The following CEP350 variants were observed in gnomAD, a reference collection of about 807,000 sequenced individuals.
CEP350 encodes the protein centrosomal protein 350, also known as centrosome-associated protein 350.
Under a neutral mutation model 331.8 loss-of-function variants are expected in CEP350, and 126 were observed. That is an observed-to-expected ratio of 0.38 (90% CI 0.33 to 0.44). The LOEUF is 0.44. Among genes scored for constraint, CEP350 ranks in the 20% least tolerant of loss-of-function variants. The pLI, the probability that CEP350 is intolerant of heterozygous loss-of-function variation, is 1.00. For missense variants in CEP350, 3,406 were observed against 3,634.6 expected (o/e 0.94, Z 1.62); for synonymous variants, 1,200 against 1,259.5 (o/e 0.95, Z 1.00).
rs574073480 is a variant in CEP350 at position 179,990,305 on chromosome 1, A to G, written c.121-202A>G. Among the ~76,000 whole-genome samples the G allele has an allele frequency of 2.0e-5, 3 of 152,336 alleles. No individual in the cohort carries two copies. In the South Asian group the frequency reaches 6.2e-4, roughly 32 times the overall value. ...GAATCTTACTGATTTTCTTGTCTAA[A>G]TTTGGGGAGCATTGTGCCAGATGTT... On this transcript the variant is annotated intron_variant, in intron 3 of 37. Transcript: ENST00000367607.
chr1:179,979,395 T>TTA lies in CEP350; in HGVS notation c.-13-6773_-13-6772insAT, dbSNP rs535923861. Among the ~76,000 whole-genome samples the TTA allele has an allele frequency of 3.8e-3, 573 of 151,118 alleles. 3 individuals are homozygous for TTA. The highest frequency in any genetic ancestry group is 6.7e-3 in the Non-Finnish European group (453 of 67,680). On this transcript the variant is annotated intron_variant, in intron 1 of 37. Coordinates refer to ENST00000367607, the MANE Select transcript of CEP350 (RefSeq NM_014810.5). ...TTAATTAGATTATTTGGGGTGTTTT[T>TTA]TTTTTTTTTTGCTCTTAAGTTGTTT...
chr1:179,962,139 G>A (rs1363733986), intron 1 of CEP350, among the ~76,000 whole-genome samples: 1 of 151,866 alleles, frequency 6.6e-6, no homozygotes, highest in Non-Finnish European at 1.5e-5. Context: ...GAGCCACCAC[G>A]CCCGGCCCTT....
intron 11 of CEP350, among the ~76,000 whole-genome samples, chr1:180,016,889 CTG>C (rs576306754): frequency 3.2e-4 from 48 of 152,158 alleles, no homozygotes; most frequent in African/African-American, 1.0e-3. Flanking sequence ...TCTTAAACTC[CTG>C]ACCTCAAGTG....
intron 11 of CEP350, among the ~76,000 whole-genome samples, chr1:180,018,956 A>G (rs913550766): frequency 6.6e-6 from 1 of 151,776 alleles, no homozygotes. Flanking sequence ...CTCGGGTTCA[A>G]GCGATACTTG....
intron 25 of CEP350, among the ~76,000 whole-genome samples, chr1:180,060,175 T>C (rs1012365848): frequency 4.6e-5 from 7 of 152,186 alleles, no homozygotes; most frequent in Non-Finnish European, 7.3e-5. Context: ...TTATAAAAAA[T>C]GGTTTGATGC....
In CEP350 at chr1:180,092,756, A is replaced by G. The variant is rs1012790139; in HGVS notation, c.6651A>G (p.Glu2217=). Residue 2217 remains glutamate (E), a synonymous_variant, in exon 34 of 38, where the codon GAA becomes GAG. Transcript: ENST00000367607. ...PVLRSSRKIR[E]ESGDSLENVP... ...TCAGATCATCAAGGAAAATCAGAGA[A>G]GAATCTGGAGATTCTCTAGAAAATG... 6.3e-7 allele frequency: 1 copy of G among 1,596,730 alleles called. No homozygotes were observed. Among genetic ancestry groups the G allele is most frequent in the South Asian group, 1.1e-5 (1 of 88,608 alleles).
intron 17 of CEP350, 87 bp from the exon 18 acceptor site, chr1:180,041,051 A>G: frequency 1.1e-6 from 1 of 951,676 alleles, no homozygotes; most frequent in Non-Finnish European, 1.6e-6. Context: ...AATGATTTGT[A>G]TTAGTAAGAT....
At chr1:180,088,851 C>CTAT (rs1037256090) in intron 32 of CEP350, among the ~76,000 whole-genome samples, 65 of 151,922 alleles carry the variant, frequency 4.3e-4, no homozygotes, top group Admixed American at 2.6e-4. Flanking sequence ...TTAGCTGCTG[C>CTAT]TATTATTATT....
At chr1:179,977,393 A>T (rs2148627813) in intron 1 of CEP350, among the ~76,000 whole-genome samples, 1 of 152,332 alleles carries the variant, frequency 6.6e-6, no homozygotes, top group Non-Finnish European at 1.5e-5. Context: ...GAAGATGAAC[A>T]TGGTAAATAC....
chr1:180,093,593 T>C lies in CEP350; in HGVS notation c.7488T>C (p.Asp2496=), dbSNP rs1407768094. 2 of 1,613,882 alleles carry C rather than the reference T, an allele frequency of 1.2e-6. No homozygotes were observed. Among genetic ancestry groups the C allele is most frequent in the African/African-American group, 1.3e-5 (1 of 74,914 alleles). The stretch of plus-strand genomic sequence containing the variant: ...TTCCTACTGCAGACGAGTTATTTGA[T>C]TTCCACATTGGTGATAGGGTGTTGA... The part of the protein sequence containing the change: ...ASVPTADELF[D]FHIGDRVLIG... The change falls in exon 34 of 38, where the codon GAT becomes GAC. Residue 2496 remains aspartate (D), a synonymous_variant. Coordinates refer to ENST00000367607, the MANE Select transcript of CEP350 (RefSeq NM_014810.5).
chr1:180,060,325 A>G (rs963853161), intron 25 of CEP350, among the ~76,000 whole-genome samples: 1 of 152,150 alleles, frequency 6.6e-6, no homozygotes, highest in African/African-American at 2.4e-5. Flanking sequence ...TTGTTTGTAC[A>G]ATAGTGAAAA....
At position 180,062,411 on chromosome 1, in the gene CEP350, T is replaced by G. The variant is rs770923539; in HGVS notation, c.5409+45T>G. On this transcript the variant is annotated intron_variant, in intron 26 of 37. Transcript: ENST00000367607. ...TATTTGTTTCCTGTCTTATTTTGAT[T>G]GTCGGTATCTAACCCTGTCTCATGT... 2.6e-6 allele frequency: 4 copies of G among 1,529,208 alleles called. No homozygotes were observed. In the South Asian group the frequency reaches 5.1e-5, roughly 19 times the overall value. The allele number at this position is 1,529,208 out of a possible 1,614,324, so 94.7% of individuals were successfully genotyped here. A position where few individuals can be genotyped will look rare whatever the true frequency, so the allele number is the denominator to read the frequency against.
intron 37 of CEP350, among the ~76,000 whole-genome samples, chr1:180,105,317 CTTTA>C (rs1045450189): frequency 1.3e-5 from 2 of 152,030 alleles, no homozygotes; most frequent in African/African-American, 4.8e-5. Context: ...CGGACCTCTT[CTTTA>C]TTTGTCTACA....
chr1:180,021,081 A>G, intron 12 of CEP350, 72 bp downstream of exon 12: 1 of 1,338,646 alleles, frequency 7.5e-7, no homozygotes, highest in Non-Finnish European at 9.8e-7. Context: ...TGTATGAGAT[A>G]TGTACTTTAG....
chr1:180,000,516 C>G (rs887498770), intron 6 of CEP350: 16 of 154,374 alleles, frequency 1.0e-4, no homozygotes, highest in African/African-American at 3.9e-4. Context: ...CTTTTTTTCT[C>G]TCATACAGGC....
In CEP350 at chr1:180,095,691, A is replaced by G. The variant is rs771936712; in HGVS notation, c.8680A>G (p.Thr2894Ala). The change falls in exon 35 of 38, where the codon ACC (threonine) becomes GCC (alanine). Residue 2894 changes from threonine (T) to alanine (A), a missense_variant. Physicochemically the swap from Thr to Ala is moderately conservative, Grantham distance 58 (BLOSUM62 0). Coordinates refer to ENST00000367607, the MANE Select transcript of CEP350 (RefSeq NM_014810.5). The stretch of plus-strand genomic sequence containing the variant: ...GATCCAAAAAAATAAGGCAGAAGAA[A>G]CCATTGTACCTCTAATGGCAGAACC... ...HKIQKNKAEE[T>A]IVPLMAEPKR... 1 of 1,613,982 alleles carries G rather than the reference A, an allele frequency of 6.2e-7. No homozygotes were observed. Among genetic ancestry groups the G allele is most frequent in the Non-Finnish European group, 8.5e-7 (1 of 1,179,888 alleles).
intron 7 of CEP350, among the ~76,000 whole-genome samples, chr1:180,004,919 C>CTTTCTTTCTT (rs1654143649): frequency 1.4e-5 from 1 of 73,698 alleles, no homozygotes; most frequent in African/African-American, 3.6e-5. Flanking sequence ...TTCTTTCTTT[C>CTTTCTTTCTT]TTTCTTTCTT....
chr1:180,096,283 C>A, intron 36 of CEP350, 99 bp downstream of exon 36: 1 of 1,340,142 alleles, frequency 7.5e-7, no homozygotes, highest in Non-Finnish European at 1.0e-6. Context: ...GTATGATTAA[C>A]CTTTGTGTCT....
At position 180,094,539 on chromosome 1, in the gene CEP350, A is replaced by G. The variant is rs1558156633; in HGVS notation, c.8434A>G (p.Ile2812Val). 1 of 1,613,948 alleles carries G rather than the reference A, an allele frequency of 6.2e-7. No homozygotes were observed. Among genetic ancestry groups the G allele is most frequent in the Non-Finnish European group, 8.5e-7 (1 of 1,179,844 alleles). ...AAATGTTGAGGAACAGTCGCCAAGT[A>G]TTTCAGGTTGCTTCTTAAGTTCTGA... ...SQNVEEQSPS[I>V]SGCFLSSELE... is the part of the protein sequence containing the mutation. The change falls in exon 34 of 38, where the codon ATT (isoleucine) becomes GTT (valine). Residue 2812 changes from isoleucine to valine, a missense_variant. Coordinates refer to ENST00000367607, the MANE Select transcript of CEP350 (RefSeq NM_014810.5).
Sources: gnomAD v4.1 joint callset for allele counts (sites outside exome capture counted in the v4.1 genomes callset) on GRCh38, gnomAD v4.1.1 for gene constraint, MANE v1.5 for transcripts, NCBI Gene and HGNC (gene_info 2026-07-23, HGNC 2026-07-21) for gene names.